The following PTPN4 variants were observed in gnomAD, a reference collection of about 807,000 sequenced individuals.
PTPN4 encodes tyrosine-protein phosphatase non-receptor type 4.
PTPN4 carries 49 observed loss-of-function variants against 135.5 expected under a neutral mutation model. The ratio of observed to expected loss-of-function variants is 0.36; its 90% CI spans 0.29 to 0.46. The LOEUF (loss-of-function observed/expected upper bound fraction) is 0.46. PTPN4 is among the 20% of genes least tolerant of loss of function. The pLI is 1.00. For synonymous variants in PTPN4, 333 were observed against 369.9 expected, an observed-to-expected ratio of 0.90 and a Z score of 1.14; for missense variants, 860 against 1,101.0, an observed-to-expected ratio of 0.78 and a Z score of 3.10.
intron 3 of PTPN4, among the ~76,000 whole-genome samples, chr2:119,875,326 G>A (rs1166425401): frequency 6.6e-6 from 1 of 152,086 alleles, no homozygotes; most frequent in Non-Finnish European, 1.5e-5. Context: ...GCTTATCTTT[G>A]TACTTCTAAG....
chr2:119,848,918 G>A (rs561171802), intron 2 of PTPN4, among the ~76,000 whole-genome samples: 2 of 152,096 alleles, frequency 1.3e-5, no homozygotes, highest in South Asian at 2.1e-4. Context: ...TTTTTTCTCT[G>A]TATTATTTGG....
chr2:119,932,081 G>A (rs1244327712), intron 13 of PTPN4, among the ~76,000 whole-genome samples: 1 of 152,214 alleles, frequency 6.6e-6, no homozygotes, highest in Admixed American at 6.5e-5. Context: ...AATAGAAGTA[G>A]GTAGTATCTG....
intron 1 of PTPN4, among the ~76,000 whole-genome samples, chr2:119,775,351 A>G (rs1690815945): frequency 6.6e-6 from 1 of 151,304 alleles, no homozygotes; most frequent in African/African-American, 2.5e-5. Flanking sequence ...CTTTTTCTGG[A>G]TTGGTTTCAT....
At chr2:119,791,704 G>A (rs7601857) in intron 1 of PTPN4, among the ~76,000 whole-genome samples, 93,417 of 151,892 alleles carry the variant, frequency 0.62, 30,232 homozygotes, top group East Asian at 0.82. Context: ...TTCTTTTTGC[G>A]CTGGAGATTT....
chr2:119,962,176 T>A (rs1282877163), intron 23 of PTPN4, among the ~76,000 whole-genome samples: 12 of 152,122 alleles, frequency 7.9e-5, no homozygotes, highest in Admixed American at 7.9e-4. Context: ...AAATGTCGGC[T>A]GGGCGCAGTG....
intron 2 of PTPN4, among the ~76,000 whole-genome samples, chr2:119,812,470 TATCTC>T (rs1676906975): frequency 6.6e-6 from 1 of 152,196 alleles, no homozygotes; most frequent in East Asian, 1.9e-4. Context: ...ATCTGGTAGT[TATCTC>T]ATCAAAGCCG....
At chr2:119,817,482 A>G (rs527720384) in intron 2 of PTPN4, among the ~76,000 whole-genome samples, 1 of 151,984 alleles carries the variant, frequency 6.6e-6, no homozygotes, top group Non-Finnish European at 1.5e-5. Context: ...GTAGGTGTGT[A>G]GCATTATTTC....
chr2:119,962,768 AT>A, intron 24 of PTPN4, 24 bp downstream of exon 24: 1 of 1,527,524 alleles, frequency 6.5e-7, no homozygotes, highest in Non-Finnish European at 8.9e-7. Context: ...ATATCTGTTC[AT>A]TAGAACTGTT....
chr2:119,782,530 A>C (rs1420367247), intron 1 of PTPN4, among the ~76,000 whole-genome samples: 1 of 152,092 alleles, frequency 6.6e-6, no homozygotes, highest in East Asian at 1.9e-4. Context: ...AGATCACAAA[A>C]AGTTCTATCA....
chr2:119,831,403 G>T (rs190577557), intron 2 of PTPN4, among the ~76,000 whole-genome samples: 1 of 152,194 alleles, frequency 6.6e-6, no homozygotes, highest in East Asian at 1.9e-4. Flanking sequence ...AACAATAAAT[G>T]GAATAGTTTA....
intron 2 of PTPN4, among the ~76,000 whole-genome samples, chr2:119,848,259 C>T (rs924494260): frequency 4.0e-5 from 6 of 150,626 alleles, no homozygotes; most frequent in South Asian, 4.2e-4. Context: ...CTGCAAGCTC[C>T]GCCTCCCGGA....
chr2:119,944,768 A>C (rs1333229505), intron 15 of PTPN4, among the ~76,000 whole-genome samples: 5 of 152,166 alleles, frequency 3.3e-5, no homozygotes. Context: ...ATTCCTGGCT[A>C]CCCGTGACTC....
At position 119,899,187 on chromosome 2, in the gene PTPN4, T is replaced by G. The variant is rs569840700; in HGVS notation, c.676-1531T>G. Among the ~76,000 whole-genome samples the G allele has an allele frequency of 5.9e-5, 9 of 152,336 alleles. 2 individuals are homozygous for G. In the South Asian group the frequency reaches 1.9e-3, roughly 32 times the overall value. On this transcript the variant is annotated intron_variant, in intron 9 of 26. Coordinates refer to ENST00000263708, the MANE Select transcript of PTPN4 (RefSeq NM_002830.4). ...CTTAATTCTAAATTTTTGGACCTAC[T>G]GTCCACAATTGCTGTTTTAGACAGG...
At chr2:119,924,762 C>G (rs1276009268) in intron 12 of PTPN4, among the ~76,000 whole-genome samples, 1 of 151,952 alleles carries the variant, frequency 6.6e-6, no homozygotes, top group Non-Finnish European at 1.5e-5. Flanking sequence ...TTACTCCAGC[C>G]TTTTGAGTAA....
At chr2:119,820,524 C>T (rs1253828816) in intron 2 of PTPN4, among the ~76,000 whole-genome samples, 1 of 152,148 alleles carries the variant, frequency 6.6e-6, no homozygotes, top group Non-Finnish European at 1.5e-5. Context: ...CAAGGAAGCC[C>T]TGGTGGGAAG....
At chr2:119,955,405 G>A (rs1428693046) in intron 20 of PTPN4, 82 bp downstream of exon 20, 9 of 1,091,784 alleles carry the variant, frequency 8.2e-6, no homozygotes, top group African/African-American at 1.6e-5. Context: ...CCTAATCTGT[G>A]CATTATAATT....
At position 119,983,832 on chromosome 2, in the gene PTPN4, CAGCT is replaced by C. The variant is rs1349926677; in HGVS notation, c.*6765_*6768del. The C allele has an allele frequency of 6.6e-6, 1 of 152,186 alleles. No homozygotes were observed. Among genetic ancestry groups the C allele is most frequent in the Non-Finnish European group, 1.5e-5 (1 of 68,026 alleles). 9.4% of individuals were successfully genotyped at this position (152,186 alleles called of 1,614,324 possible). Reference sequence around the variant, plus strand: ...TGTGTTACTGGACTCTGAGTTCTCACAGCTAGTTTCATCTAAGCTTGGTTTATTA... The same window carrying C: ...TGTGTTACTGGACTCTGAGTTCTCACAGTTTCATCTAAGCTTGGTTTATTA... On this transcript the variant is annotated 3_prime_UTR_variant, in exon 27 of 27. Transcript: ENST00000263708.
chr2:119,930,875 G>A (rs1418760282), intron 13 of PTPN4, among the ~76,000 whole-genome samples: 5 of 150,802 alleles, frequency 3.3e-5, no homozygotes, highest in Admixed American at 2.0e-4. Context: ...AGTACATGAT[G>A]AGAGAAAAAT....
At chr2:119,792,944 C>T (rs1016018197) in intron 1 of PTPN4, among the ~76,000 whole-genome samples, 3 of 152,108 alleles carry the variant, frequency 2.0e-5, no homozygotes, top group African/African-American at 4.8e-5. Context: ...TAAAGTATCA[C>T]GAGGCAAATG....
Sources: gnomAD v4.1 joint callset for allele counts (sites outside exome capture counted in the v4.1 genomes callset) on GRCh38, gnomAD v4.1.1 for gene constraint, MANE v1.5 for transcripts, NCBI Gene and HGNC (gene_info 2026-07-23, HGNC 2026-07-21) for gene names.